Variants in FNDC3A observed in about 807,000 individuals in gnomAD.
FNDC3A encodes fibronectin type III domain containing 3A.
Under a neutral mutation model 148.9 loss-of-function variants are expected in FNDC3A, and 32 were observed. That is an observed-to-expected ratio of 0.21 (90% CI 0.16 to 0.29). The LOEUF is 0.29. Among genes scored for constraint, FNDC3A ranks in the 10% least tolerant of loss-of-function variants. The pLI, the probability that FNDC3A is intolerant of heterozygous loss-of-function variation, is 1.00. For missense variants in FNDC3A, 1,191 were observed against 1,452.8 expected (o/e 0.82, Z 2.93); for synonymous variants, 472 against 473.6 (o/e 1.00, Z 0.04).
chr13:49,162,216 C>T (rs1158973113), intron 8 of FNDC3A, among the ~76,000 whole-genome samples: 1 of 152,164 alleles, frequency 6.6e-6, no homozygotes, highest in Non-Finnish European at 1.5e-5. Flanking sequence ...CAGCTTGGTT[C>T]CATTCTCCCT....
intron 3 of FNDC3A, among the ~76,000 whole-genome samples, chr13:49,091,140 A>G (rs1879166423): frequency 6.6e-6 from 1 of 152,152 alleles, no homozygotes; most frequent in Non-Finnish European, 1.5e-5. Flanking sequence ...CAATAACAAA[A>G]AACAGCCAAC....
intron 3 of FNDC3A, among the ~76,000 whole-genome samples, chr13:49,111,194 T>C (rs1228643151): frequency 6.6e-6 from 1 of 152,194 alleles, no homozygotes; most frequent in East Asian, 1.9e-4. Context: ...AATTAAAAAG[T>C]ATTGTTGGAA....
chr13:49,181,782 C>CT (rs1354195618), intron 14 of FNDC3A, among the ~76,000 whole-genome samples: 1 of 151,820 alleles, frequency 6.6e-6, no homozygotes, highest in African/African-American at 2.4e-5. Flanking sequence ...GAAGTAATGA[C>CT]TAAGTAGCAT....
At chr13:49,191,496 A>G in intron 19 of FNDC3A, 112 bp downstream of exon 19, 1 of 771,316 alleles carries the variant, frequency 1.3e-6, no homozygotes, top group South Asian at 2.4e-5. Flanking sequence ...ATGACTCCAA[A>G]TTTTACAATT....
intron 2 of FNDC3A, among the ~76,000 whole-genome samples, chr13:49,019,102 G>T (rs1400429854): frequency 6.6e-6 from 1 of 152,256 alleles, no homozygotes; most frequent in African/African-American, 2.4e-5. Flanking sequence ...GCGGCAGGCA[G>T]GCCTCCTGGA....
intron 2 of FNDC3A, among the ~76,000 whole-genome samples, chr13:49,047,227 C>T (rs1875486712): frequency 6.6e-6 from 1 of 151,658 alleles, no homozygotes; most frequent in Non-Finnish European, 1.5e-5. Context: ...GATTGATGGA[C>T]ATTTGGGCTG....
chr13:49,166,424 C>T (rs928289559), intron 8 of FNDC3A, among the ~76,000 whole-genome samples: 1 of 152,124 alleles, frequency 6.6e-6, no homozygotes, highest in Non-Finnish European at 1.5e-5. Context: ...GATGTGGGGA[C>T]TGTAGGGCTT....
At chr13:49,131,546 A>G (rs1263221023) in intron 5 of FNDC3A, among the ~76,000 whole-genome samples, 172 bp downstream of exon 5, 3 of 152,212 alleles carry the variant, frequency 2.0e-5, no homozygotes, top group Non-Finnish European at 4.4e-5. Context: ...ATCACCCTTC[A>G]AGGCAGGTAA....
At chr13:49,070,881 C>CTTTTTTTTTTTTT (rs758290861) in intron 2 of FNDC3A, among the ~76,000 whole-genome samples, 63 of 120,916 alleles carry the variant, frequency 5.2e-4, no homozygotes, top group Non-Finnish European at 6.5e-4. Context: ...AACAGGATTT[C>CTTTTTTTTTTTTT]TTTTTTTTTT....
At chr13:49,121,656 T>A (rs1020388846) in intron 4 of FNDC3A, among the ~76,000 whole-genome samples, 1 of 151,958 alleles carries the variant, frequency 6.6e-6, no homozygotes, top group Non-Finnish European at 1.5e-5. Flanking sequence ...TAAAAAATGA[T>A]AAAGGGGATA....
At chr13:49,108,381 C>G (rs1409508943) in intron 3 of FNDC3A, among the ~76,000 whole-genome samples, 1 of 152,090 alleles carries the variant, frequency 6.6e-6, no homozygotes, top group Non-Finnish European at 1.5e-5. Flanking sequence ...ACAGGAACAA[C>G]AGTGGTGAAG....
rs1404780614 is a variant in FNDC3A at position 49,150,524 on chromosome 13, A to G, written c.977+4589A>G. On this transcript the variant is annotated intron_variant, in intron 8 of 25. Coordinates refer to ENST00000492622, the MANE Select transcript of FNDC3A (RefSeq NM_001079673.2). The stretch of plus-strand genomic sequence containing the variant: ...TTCTTCCTTAATTTGTCCCTCTACC[A>G]GTGGTCATTCAGGAGCATGTTGTTT... Among the ~76,000 whole-genome samples, 14 of 151,926 alleles carry G rather than the reference A, an allele frequency of 9.2e-5. 1 individual carries two copies. In the East Asian group the frequency reaches 2.7e-3, roughly 29 times the overall value.
At position 49,159,593 on chromosome 13, in the gene FNDC3A, A is replaced by T. The variant is rs1000295425; in HGVS notation, c.978-7651A>T. 2.0e-5 allele frequency among the ~76,000 whole-genome samples: 3 copies of T among 152,130 alleles called. No homozygotes were observed. The South Asian group carries it at 6.2e-4, about 32-fold the overall frequency. On this transcript the variant is annotated intron_variant, in intron 8 of 25. Coordinates refer to ENST00000492622, the MANE Select transcript of FNDC3A (RefSeq NM_001079673.2). Reference sequence around the variant, plus strand: ...GGACAATTTGACTTCCTGTTTTCCTAACTGAATACCATTTATTTCTTTCTC... The same window carrying T: ...GGACAATTTGACTTCCTGTTTTCCTTACTGAATACCATTTATTTCTTTCTC...
chr13:49,207,225 T>C lies in FNDC3A; in HGVS notation c.3427T>C (p.Phe1143Leu). ...AGGTCCCTACAGCACCACAGTGCTC[T>C]TCATCTCTCAGAGGACTGAACCACC... ...LVGPYSTTVLFISQRTEPPAS... is the reference protein window; with the variant it reads ...LVGPYSTTVLLISQRTEPPAS... Residue 1143 changes from phenylalanine to leucine, a missense_variant, in exon 26 of 26, where the codon TTC becomes CTC. Phe to Leu is a conservative substitution (Grantham distance 22, BLOSUM62 0). This residue lies in a region of FNDC3A where 751 missense variants were observed against 944.0 expected (regional missense o/e 0.80). Coordinates refer to ENST00000492622, the MANE Select transcript of FNDC3A (RefSeq NM_001079673.2). 2 of 1,614,190 alleles carry C rather than the reference T, an allele frequency of 1.2e-6. No individual in the cohort carries two copies. The highest frequency in any genetic ancestry group is 1.7e-6 in the Non-Finnish European group (2 of 1,180,022).
chr13:48,978,574 T>C (rs918596908), intron 1 of FNDC3A, among the ~76,000 whole-genome samples: 1 of 152,176 alleles, frequency 6.6e-6, no homozygotes, highest in Non-Finnish European at 1.5e-5. Flanking sequence ...ATCGTGTCTT[T>C]GAGAATGGTG....
chr13:49,079,565 ATGACT>A (rs1012843766), intron 3 of FNDC3A, among the ~76,000 whole-genome samples: 3 of 152,214 alleles, frequency 2.0e-5, no homozygotes, highest in African/African-American at 7.2e-5. Context: ...GAAGGAAAGA[ATGACT>A]TGACTTATTT....
intron 2 of FNDC3A, among the ~76,000 whole-genome samples, chr13:49,008,867 G>A (rs1218594518): frequency 2.6e-5 from 4 of 151,948 alleles, no homozygotes; most frequent in African/African-American, 7.3e-5. Context: ...AGCAGTTTTA[G>A]GCTTATAAGA....
intron 3 of FNDC3A, chr13:49,110,269 G>T (rs1311100867): frequency 2.2e-6 from 3 of 1,354,340 alleles, no homozygotes; most frequent in South Asian, 1.5e-5. Flanking sequence ...CACGTGACTC[G>T]GTCAAAGGAT....
Position 49,129,835 on chromosome 13 carries a change from T to C in FNDC3A, c.253-1302T>C, listed in dbSNP as rs571862665. On this transcript the variant is annotated intron_variant, in intron 4 of 25. Coordinates refer to ENST00000492622, the MANE Select transcript of FNDC3A (RefSeq NM_001079673.2). ...TTAATAATCTAATTAATGTTTGTAA[T>C]TTAGGCTTATCTATACCCAGATAAG... 1.1e-4 allele frequency among the ~76,000 whole-genome samples: 17 copies of C among 152,304 alleles called. No individual in the cohort carries two copies. In the East Asian group the frequency reaches 3.3e-3, roughly 29 times the overall value.
Sources: gnomAD v4.1 joint callset for allele counts (sites outside exome capture counted in the v4.1 genomes callset) on GRCh38, gnomAD v4.1.1 for gene constraint, gnomAD v4.1.1 regional missense constraint, MANE v1.5 for transcripts, NCBI Gene and HGNC (gene_info 2026-07-23, HGNC 2026-07-21) for gene names.